The following SUCLG2 variants were observed in gnomAD, a reference collection of about 807,000 sequenced individuals.
The protein encoded by SUCLG2 is succinate-CoA ligase GDP-forming subunit beta.
A neutral mutation model predicts 47.9 loss-of-function variants in SUCLG2; 42 were observed. That is an observed-to-expected ratio of 0.88 (90% CI 0.69 to 1.14). SUCLG2 has a LOEUF of 1.14. SUCLG2 is among the 50% of genes most tolerant of loss of function. SUCLG2 has a pLI of 0.00. For missense variants in SUCLG2, 571 were observed against 525.9 expected, an observed-to-expected ratio of 1.09 and a Z score of -0.84; for synonymous variants, 195 against 197.3, an observed-to-expected ratio of 0.99 and a Z score of 0.10.
At chr3:67,572,287 C>G (rs1707634595) in intron 2 of SUCLG2, among the ~76,000 whole-genome samples, 1 of 152,178 alleles carries the variant, frequency 6.6e-6, no homozygotes, top group Non-Finnish European at 1.5e-5. Flanking sequence ...ATCACAACAC[C>G]TAGCACACTG....
At chr3:67,436,881 CTG>C (rs1483526780) in intron 9 of SUCLG2, among the ~76,000 whole-genome samples, 2 of 152,098 alleles carry the variant, frequency 1.3e-5, no homozygotes, top group East Asian at 1.9e-4. Context: ...CAAATGTTAC[CTG>C]TGTTTAAACA....
Position 67,374,784 on chromosome 3 carries a change from A to G in SUCLG2, c.*960T>C. 1 of 980,270 alleles carries G rather than the reference A, an allele frequency of 1.0e-6. No individual in the cohort carries two copies. The highest frequency in any genetic ancestry group is 1.2e-6 in the Non-Finnish European group (1 of 825,404). The allele number at this position is 980,270 out of a possible 1,614,324, so 60.7% of individuals were successfully genotyped here. A position where few individuals can be genotyped will look rare whatever the true frequency, so the allele number is the denominator to read the frequency against. On this transcript the variant is annotated 3_prime_UTR_variant, in exon 11 of 11. Transcript: ENST00000307227. ...ATAAAAATCTACCAAAATTTAAACA[A>G]AAATTTTATCCAAATCCTTTCCCAC...
chr3:67,399,549 G>A (rs937394858), intron 10 of SUCLG2, among the ~76,000 whole-genome samples: 2 of 152,162 alleles, frequency 1.3e-5, no homozygotes, highest in Non-Finnish European at 2.9e-5. Flanking sequence ...ATGTGCACCT[G>A]CCCTGTGAAC....
At chr3:67,653,786 G>A (rs1303046172) in intron 1 of SUCLG2, among the ~76,000 whole-genome samples, 1 of 152,232 alleles carries the variant, frequency 6.6e-6, no homozygotes, top group South Asian at 2.1e-4. Context: ...GCCATCTGCA[G>A]AAGGTAAAAA....
chr3:67,552,186 A>G (rs944471479), intron 2 of SUCLG2, among the ~76,000 whole-genome samples: 3 of 150,968 alleles, frequency 2.0e-5, no homozygotes, highest in South Asian at 2.1e-4. Flanking sequence ...AAAAAAAAAA[A>G]AAAAAAGAAA....
intron 1 of SUCLG2, among the ~76,000 whole-genome samples, chr3:67,642,283 C>A (rs1701115003): frequency 6.6e-6 from 1 of 152,126 alleles, no homozygotes; most frequent in African/African-American, 2.4e-5. Flanking sequence ...TGTTTAAGAT[C>A]TCTGAGCCGC....
intron 9 of SUCLG2, among the ~76,000 whole-genome samples, chr3:67,493,334 A>C (rs1353944116): frequency 2.0e-5 from 3 of 152,152 alleles, no homozygotes; most frequent in African/African-American, 7.2e-5. Context: ...CTGTGCATTC[A>C]TTTTCCTGAT....
At chr3:67,397,227 C>T (rs999929670) in intron 10 of SUCLG2, among the ~76,000 whole-genome samples, 7 of 152,100 alleles carry the variant, frequency 4.6e-5, no homozygotes, top group Non-Finnish European at 7.3e-5. Flanking sequence ...AAGAGGAAGC[C>T]CAACTGTCCT....
intron 7 of SUCLG2, among the ~76,000 whole-genome samples, chr3:67,501,026 C>A (rs1387408564): frequency 1.3e-5 from 2 of 152,168 alleles, no homozygotes; most frequent in Non-Finnish European, 2.9e-5. Flanking sequence ...CTCCAGGGAA[C>A]AATCTTGACA....
chr3:67,423,632 T>C (rs1214922256), intron 9 of SUCLG2, among the ~76,000 whole-genome samples: 1 of 152,192 alleles, frequency 6.6e-6, no homozygotes, highest in Admixed American at 6.5e-5. Context: ...CTGCCTTTGT[T>C]AATATTTGCC....
At chr3:67,372,857 C>T (rs551099078), downstream of SUCLG2, among the ~76,000 whole-genome samples, 2 of 152,188 alleles carry the variant, frequency 1.3e-5, no homozygotes, top group East Asian at 1.9e-4. Flanking sequence ...GGTTGGCAAA[C>T]CTTTTATGTA....
rs115682858 is a variant in SUCLG2 at position 67,635,724 on chromosome 3, G to C, written c.84+18779C>G. On this transcript the variant is annotated intron_variant, in intron 1 of 10. Coordinates refer to ENST00000307227, the MANE Select transcript of SUCLG2 (RefSeq NM_003848.4). ...GTTCTCCAGTGCAAAAAGACTACAG[G>C]TTTTCTACCGGAGTTTAGCCACCAT... 9.6e-3 allele frequency among the ~76,000 whole-genome samples: 1,463 copies of C among 152,192 alleles called. 24 individuals are homozygous for C. The highest frequency in any genetic ancestry group is 0.033 in the African/African-American group (1,359 of 41,520).
At chr3:67,416,348 T>C (rs1418766301) in intron 9 of SUCLG2, among the ~76,000 whole-genome samples, 21 of 152,210 alleles carry the variant, frequency 1.4e-4, no homozygotes, top group Non-Finnish European at 2.6e-4. Context: ...CATATGAAAA[T>C]TGAAACTAAT....
intron 9 of SUCLG2, among the ~76,000 whole-genome samples, chr3:67,479,028 C>T (rs1285205333): frequency 2.0e-5 from 3 of 152,204 alleles, no homozygotes; most frequent in Non-Finnish European, 4.4e-5. Context: ...TTAAAAGTAG[C>T]TCAAGTCATG....
At chr3:67,417,052 G>T (rs77836520) in intron 9 of SUCLG2, among the ~76,000 whole-genome samples, 8,972 of 151,798 alleles carry the variant, frequency 0.059, 350 homozygotes, top group Middle Eastern at 0.13. Context: ...TCTCTGAAAA[G>T]AAAGCTTCAG....
chr3:67,608,094 A>G (rs1460802568), intron 2 of SUCLG2, among the ~76,000 whole-genome samples: 1 of 152,258 alleles, frequency 6.6e-6, no homozygotes, highest in African/African-American at 2.4e-5. Flanking sequence ...GTACTTCTGC[A>G]GAATTACAAA....
chr3:67,400,253 A>G (rs955128760), intron 10 of SUCLG2, among the ~76,000 whole-genome samples: 4 of 151,778 alleles, frequency 2.6e-5, no homozygotes, highest in African/African-American at 9.7e-5. Context: ...CATATGATAT[A>G]TAAAATATAC....
intron 9 of SUCLG2, among the ~76,000 whole-genome samples, chr3:67,470,254 T>C (rs1355836080): frequency 6.6e-6 from 1 of 152,208 alleles, no homozygotes; most frequent in Non-Finnish European, 1.5e-5. Flanking sequence ...TCACATTTCA[T>C]GTGGTATTCT....
At chr3:67,635,782 G>A (rs1701000113) in intron 1 of SUCLG2, among the ~76,000 whole-genome samples, 1 of 152,130 alleles carries the variant, frequency 6.6e-6, no homozygotes, top group Admixed American at 6.5e-5. Flanking sequence ...AAAGCTGGAA[G>A]TAAAAGCTGG....
Sources: gnomAD v4.1 joint callset for allele counts (sites outside exome capture counted in the v4.1 genomes callset) on GRCh38, gnomAD v4.1.1 for gene constraint, MANE v1.5 for transcripts, NCBI Gene and HGNC (gene_info 2026-07-23, HGNC 2026-07-21) for gene names.